The following ROBO2 variants were observed in gnomAD, a reference collection of about 807,000 sequenced individuals.
The protein encoded by ROBO2 is roundabout guidance receptor 2.
A neutral mutation model predicts 160.8 loss-of-function variants in ROBO2; 53 were observed. That is an observed-to-expected ratio of 0.33 (90% confidence interval 0.26 to 0.41). The LOEUF (loss-of-function observed/expected upper bound fraction) is 0.41. Ranked by LOEUF, ROBO2 falls within the 10% of genes least tolerant of loss-of-function variation. The pLI, the probability that ROBO2 is intolerant of heterozygous loss-of-function variation, is 1.00. For synonymous variants in ROBO2, 664 were observed against 611.7 expected, an observed-to-expected ratio of 1.09 and a Z score of -1.26; for missense variants, 1,577 against 1,722.4, an observed-to-expected ratio of 0.92 and a Z score of 1.49.
intron 2 of ROBO2, among the ~76,000 whole-genome samples, chr3:76,065,435 GAATA>G (rs2068219681): frequency 6.6e-6 from 1 of 151,900 alleles, no homozygotes; most frequent in Non-Finnish European, 1.5e-5. Context: ...GTGTTGTGTT[GAATA>G]ATTACTTCCA....
At chr3:76,149,968 T>A (rs201765049) in intron 2 of ROBO2, among the ~76,000 whole-genome samples, 1 of 148,362 alleles carries the variant, frequency 6.7e-6, no homozygotes, top group Admixed American at 6.7e-5. Context: ...ACACATCATA[T>A]GTCTAAAGCA....
In ROBO2 at chr3:76,155,436, C is replaced by A. The variant is rs188646906; in HGVS notation, c.109+217834C>A. The stretch of plus-strand genomic sequence containing the variant: ...AAAGAAAAAAATGGAGAGAAACAGA[C>A]TTAAAAGATAGAACAAAGTTTACAA... On this transcript the variant is annotated intron_variant, in intron 2 of 26. Coordinates refer to the ROBO2 transcript ENST00000487694. Among the ~76,000 whole-genome samples the A allele has an allele frequency of 1.6e-3, 237 of 152,156 alleles. 2 individuals are homozygous for A. The highest frequency in any genetic ancestry group is 2.6e-3 in the Admixed American group (40 of 15,280).
intron 2 of ROBO2, among the ~76,000 whole-genome samples, chr3:76,058,432 A>C (rs1186699581): frequency 6.6e-6 from 1 of 152,148 alleles, no homozygotes; most frequent in Non-Finnish European, 1.5e-5. Context: ...TAAAAGTTCT[A>C]ATAAGTTCAT....
chr3:76,844,844 C>A (rs1020586690), intron 2 of ROBO2, among the ~76,000 whole-genome samples: 10 of 151,798 alleles, frequency 6.6e-5, no homozygotes, highest in African/African-American at 2.4e-4. Flanking sequence ...GCATTTACTA[C>A]ATATGAAAAA....
chr3:77,632,658 T>C (rs900073661), intron 23 of ROBO2: 14 of 1,532,388 alleles, frequency 9.1e-6, no homozygotes, highest in Non-Finnish European at 1.2e-5. Flanking sequence ...CAAGAACAGG[T>C]TGGTAGACTC....
At chr3:76,290,100 G>A (rs1708730156) in intron 2 of ROBO2, among the ~76,000 whole-genome samples, 1 of 152,056 alleles carries the variant, frequency 6.6e-6, no homozygotes, top group South Asian at 2.1e-4. Flanking sequence ...GGCCATTTTA[G>A]TGATATTGAT....
chr3:76,507,048 A>G (rs559688079), intron 2 of ROBO2, among the ~76,000 whole-genome samples: 5 of 152,290 alleles, frequency 3.3e-5, no homozygotes, highest in African/African-American at 1.2e-4. Context: ...CAATTTAATA[A>G]TGTTGATTGT....
chr3:76,535,139 G>T (rs2082424982), intron 2 of ROBO2, among the ~76,000 whole-genome samples: 2 of 152,046 alleles, frequency 1.3e-5, no homozygotes, highest in South Asian at 2.1e-4. Context: ...CTTTGACAAG[G>T]TCATTAACAG....
intron 2 of ROBO2, among the ~76,000 whole-genome samples, chr3:76,587,346 G>A (rs1294097362): frequency 1.3e-5 from 2 of 151,838 alleles, no homozygotes; most frequent in East Asian, 1.9e-4. Flanking sequence ...CCATTCTCAC[G>A]CTCCTATAAA....
intron 2 of ROBO2, among the ~76,000 whole-genome samples, chr3:76,872,517 T>C (rs2072221309): frequency 6.6e-6 from 1 of 151,956 alleles, no homozygotes; most frequent in Admixed American, 6.6e-5. Flanking sequence ...TCAAGAAATA[T>C]ATTATTTAAA....
chr3:77,358,005 T>C (rs2153464117), intron 2 of ROBO2, among the ~76,000 whole-genome samples: 1 of 152,270 alleles, frequency 6.6e-6, no homozygotes, highest in African/African-American at 2.4e-5. Flanking sequence ...AGATCCTGTT[T>C]AAAATGTGTT....
At chr3:76,139,939 T>A (rs1405714284) in intron 2 of ROBO2, among the ~76,000 whole-genome samples, 1 of 152,096 alleles carries the variant, frequency 6.6e-6, no homozygotes, top group Non-Finnish European at 1.5e-5. Context: ...TCACTGATTC[T>A]TCTTCGTAGT....
At chr3:77,481,258 C>G (rs770465042) in intron 4 of ROBO2, 39 bp downstream of exon 4, 1 of 1,466,814 alleles carries the variant, frequency 6.8e-7, no homozygotes, top group Admixed American at 2.4e-5. Context: ...TTATTTTTAT[C>G]AATTTTTCTT....
intron 2 of ROBO2, among the ~76,000 whole-genome samples, chr3:76,314,647 G>A (rs2071856028): frequency 6.6e-6 from 1 of 151,920 alleles, no homozygotes. Context: ...TTTCACTTAA[G>A]GAATAGTAGA....
chr3:76,309,233 A>T (rs2071461995), intron 2 of ROBO2, among the ~76,000 whole-genome samples: 1 of 152,214 alleles, frequency 6.6e-6, no homozygotes, highest in Non-Finnish European at 1.5e-5. Context: ...TGTCAGGTAA[A>T]CAGGATAGTG....
intron 4 of ROBO2, among the ~76,000 whole-genome samples, chr3:77,483,210 A>G (rs933448656): frequency 1.2e-4 from 18 of 152,148 alleles, no homozygotes; most frequent in African/African-American, 4.3e-4. Flanking sequence ...GATTAAGTTG[A>G]AGGAAAAACT....
At chr3:76,894,522 G>C (rs1300341769) in intron 2 of ROBO2, among the ~76,000 whole-genome samples, 2 of 152,080 alleles carry the variant, frequency 1.3e-5, no homozygotes, top group Admixed American at 6.6e-5. Flanking sequence ...GAAGCACAGG[G>C]TCTTTGAAAA....
chr3:77,262,349 A>T lies in ROBO2; in HGVS notation c.388+164009A>T, dbSNP rs141172886. Among the ~76,000 whole-genome samples, 310 of 152,274 alleles carry T rather than the reference A, an allele frequency of 2.0e-3. 3 individuals are homozygous for T. Among genetic ancestry groups the T allele is most frequent in the Non-Finnish European group, 1.2e-3 (83 of 68,032 alleles). ...CATCGTGATACATAAATTACTAGAG[A>T]CTTACAAGGAATTAAGAAAGTAAGT... On this transcript the variant is annotated intron_variant, in intron 2 of 25. Coordinates refer to ENST00000461745, the Ensembl canonical transcript of ROBO2.
chr3:77,353,606 G>A (rs1003253231), intron 2 of ROBO2, among the ~76,000 whole-genome samples: 1 of 152,024 alleles, frequency 6.6e-6, no homozygotes, highest in African/African-American at 2.4e-5. Flanking sequence ...CGCCTCCTGG[G>A]TTCAGGCAAT....
Sources: allele counts gnomAD v4.1 joint callset (sites outside exome capture counted in the v4.1 genomes callset), GRCh38; gene constraint gnomAD v4.1.1; transcripts MANE v1.5; gene names NCBI Gene and HGNC (gene_info 2026-07-23, HGNC 2026-07-21).